BCAT1: variants seen among roughly 807,000 people sequenced by gnomAD.
BCAT1 encodes branched chain amino acid transaminase 1.
Under a neutral mutation model 52.4 loss-of-function variants are expected in BCAT1, and 48 were observed. That is an observed-to-expected ratio of 0.92 (90% confidence interval 0.73 to 1.16). BCAT1 has a LOEUF of 1.16. Ranked by LOEUF, BCAT1 falls within the 50% of genes most tolerant of loss-of-function variation. BCAT1 has a pLI of 0.00. For missense variants in BCAT1, 451 were observed against 457.1 expected, an observed-to-expected ratio of 0.99 and a Z score of 0.12; for synonymous variants, 167 against 161.3, an observed-to-expected ratio of 1.04 and a Z score of -0.27.
At chr12:24,836,818 GA>G (rs756176424) in intron 7 of BCAT1, among the ~76,000 whole-genome samples, 12,512 of 94,856 alleles carry the variant, frequency 0.13, 1,039 homozygotes, top group Non-Finnish European at 0.19. Flanking sequence ...AGGAAGGAAG[GA>G]AAGAAGGAAG....
chr12:24,817,883 T>C lies in BCAT1; in HGVS notation c.*125A>G, dbSNP rs753933493. ...AAGAAACAATCACTCTTGTAACACA[T>C]TGATACTACAAACTACATTATGCAC... On this transcript the variant is annotated 3_prime_UTR_variant, in exon 11 of 11. Coordinates refer to ENST00000261192, the MANE Select transcript of BCAT1 (RefSeq NM_005504.7). 19 of 943,106 alleles carry C rather than the reference T, an allele frequency of 2.0e-5. 1 individual carries two copies. The highest frequency in any genetic ancestry group is 5.1e-5 in the East Asian group (2 of 38,998). 58.4% of individuals were successfully genotyped at this position (943,106 alleles called of 1,614,324 possible).
intron 1 of BCAT1, chr12:24,904,523 C>G (rs139732042): frequency 9.2e-5 from 14 of 152,384 alleles, no homozygotes; most frequent in Admixed American, 5.9e-4. Flanking sequence ...TTAACTGCTT[C>G]TATTTCCTCC....
intron 3 of BCAT1, among the ~76,000 whole-genome samples, chr12:24,887,081 ATATAT>A (rs1346094587): frequency 0.011 from 479 of 42,740 alleles, 16 homozygotes; most frequent in Non-Finnish European, 0.021. Context: ...AAAAAAAAAA[ATATAT>A]ATATATATAT....
intron 1 of BCAT1, among the ~76,000 whole-genome samples, chr12:24,943,190 C>CT (rs1313960222): frequency 6.6e-6 from 1 of 152,142 alleles, no homozygotes; most frequent in Non-Finnish European, 1.5e-5. Flanking sequence ...ATTGGCCATA[C>CT]TTTTCATAAG....
chr12:24,829,817 C>T lies in BCAT1; in HGVS notation c.1119+6G>A, dbSNP rs774039967. Reference sequence around the variant, plus strand: ...GAAAGAAAAGAAAAGAAAAGAAAAGCTTTACCTGGATATCAGTTAATTTGC... The same window carrying T: ...GAAAGAAAAGAAAAGAAAAGAAAAGTTTTACCTGGATATCAGTTAATTTGC... On this transcript the variant is annotated splice_donor_region_variant and intron_variant, in intron 10 of 10. Transcript: ENST00000261192. The T allele has an allele frequency of 1.3e-6, 2 of 1,592,638 alleles. No individual in the cohort carries two copies. The highest frequency in any genetic ancestry group is 1.4e-5 in the African/African-American group (1 of 74,010).
chr12:24,947,291 C>T (rs546038543), intron 1 of BCAT1, among the ~76,000 whole-genome samples: 21 of 152,134 alleles, frequency 1.4e-4, no homozygotes, highest in Non-Finnish European at 2.1e-4. Context: ...TCATAATACT[C>T]ACTTACCATT....
At chr12:24,888,102 T>C (rs1942734917) in intron 3 of BCAT1, among the ~76,000 whole-genome samples, 1 of 152,238 alleles carries the variant, frequency 6.6e-6, no homozygotes, top group Non-Finnish European at 1.5e-5. Flanking sequence ...AACAGTAATA[T>C]CTATGAAAAA....
chr12:24,933,109 CTTTTTTTTT>C (rs57512325), intron 1 of BCAT1, among the ~76,000 whole-genome samples: 36 of 68,518 alleles, frequency 5.3e-4, no homozygotes, highest in African/African-American at 2.1e-3. Context: ...CACGCCTGGC[CTTTTTTTTT>C]TTTTTTTTTT....
At chr12:24,891,284 A>G (rs1354986516) in intron 3 of BCAT1, among the ~76,000 whole-genome samples, 5 of 152,086 alleles carry the variant, frequency 3.3e-5, no homozygotes, top group Admixed American at 1.3e-4. Context: ...CCCAGATGGC[A>G]ATGAAAGTGA....
intron 1 of BCAT1, among the ~76,000 whole-genome samples, chr12:24,925,273 C>G (rs1394476514): frequency 6.6e-6 from 1 of 152,116 alleles, no homozygotes; most frequent in Non-Finnish European, 1.5e-5. Flanking sequence ...AGATACTGTA[C>G]CTGACCTGCC....
intron 6 of BCAT1, among the ~76,000 whole-genome samples, chr12:24,848,777 G>T (rs373810514): frequency 6.6e-6 from 1 of 152,344 alleles, no homozygotes; most frequent in East Asian, 1.9e-4. Context: ...AAGGAGAATA[G>T]ACTTCCTAGT....
At chr12:24,924,697 T>A (rs1365934489) in intron 1 of BCAT1, among the ~76,000 whole-genome samples, 1 of 152,018 alleles carries the variant, frequency 6.6e-6, no homozygotes, top group Non-Finnish European at 1.5e-5. Flanking sequence ...TTGATCCGTA[T>A]TAAAAGAAAC....
chr12:24,855,487 T>C (rs1056359411), intron 5 of BCAT1, among the ~76,000 whole-genome samples: 1 of 152,086 alleles, frequency 6.6e-6, no homozygotes, highest in African/African-American at 2.4e-5. Flanking sequence ...TTCAAGCGAT[T>C]CTCCTGCCTC....
intron 5 of BCAT1, among the ~76,000 whole-genome samples, chr12:24,851,873 A>T (rs1941524711): frequency 6.6e-6 from 1 of 152,124 alleles, no homozygotes; most frequent in Admixed American, 6.6e-5. Flanking sequence ...TTAAGAAATG[A>T]CACCTTCATT....
At chr12:24,852,702 T>C (rs1941552256) in intron 5 of BCAT1, among the ~76,000 whole-genome samples, 1 of 152,236 alleles carries the variant, frequency 6.6e-6, no homozygotes, top group South Asian at 2.1e-4. Flanking sequence ...CTCTAAGTAA[T>C]ATTTTTATTC....
At chr12:24,906,383 A>G (rs1943225873) in intron 1 of BCAT1, among the ~76,000 whole-genome samples, 1 of 152,136 alleles carries the variant, frequency 6.6e-6, no homozygotes. Context: ...AGTGTCTCCA[A>G]GACTGGCTGT....
intron 3 of BCAT1, among the ~76,000 whole-genome samples, chr12:24,887,257 C>G (rs1942708478): frequency 6.6e-6 from 1 of 151,252 alleles, no homozygotes; most frequent in Non-Finnish European, 1.5e-5. Context: ...CCTTGTAGCA[C>G]AGGGCAGAAC....
chr12:24,882,387 T>TG (rs1221414056), intron 3 of BCAT1, among the ~76,000 whole-genome samples: 1 of 152,006 alleles, frequency 6.6e-6, no homozygotes, highest in African/African-American at 2.4e-5. Context: ...AAAACTTACA[T>TG]GGGAAAAAAA....
intron 5 of BCAT1, among the ~76,000 whole-genome samples, chr12:24,850,218 G>A (rs185984299): frequency 6.6e-6 from 1 of 152,264 alleles, no homozygotes; most frequent in East Asian, 1.9e-4. Flanking sequence ...GTGTTAGTAG[G>A]GTTTTGGAGG....
Sources: allele counts gnomAD v4.1 joint callset (sites outside exome capture counted in the v4.1 genomes callset), GRCh38; gene constraint gnomAD v4.1.1; transcripts MANE v1.5; gene names NCBI Gene and HGNC (gene_info 2026-07-23, HGNC 2026-07-21).